CALN1: variants seen among roughly 807,000 people sequenced by gnomAD.
The protein encoded by CALN1 is calneuron 1.
Under a neutral mutation model 30.6 loss-of-function variants are expected in CALN1, and 17 were observed. That is an observed-to-expected ratio of 0.56 (90% confidence interval 0.38 to 0.83). The LOEUF is 0.83. CALN1 is among the 40% of genes least tolerant of loss of function. The probability of loss-of-function intolerance (pLI) is 0.00; values close to 1 mark genes in which losing one functional copy is unlikely to be tolerated. For missense variants in CALN1, 291 were observed against 354.9 expected (o/e 0.82, Z 1.45); for synonymous variants, 156 against 131.4 (o/e 1.19, Z -1.28).
At chr7:72,333,494 A>C (rs1342172450) in intron 2 of CALN1, among the ~76,000 whole-genome samples, 1 of 152,216 alleles carries the variant, frequency 6.6e-6, no homozygotes, top group South Asian at 2.1e-4. Context: ...AAATCTGCCA[A>C]TGTTCTGCTA....
chr7:72,433,027 G>A (rs1452846801), intron 1 of CALN1, among the ~76,000 whole-genome samples: 1 of 152,138 alleles, frequency 6.6e-6, no homozygotes, highest in East Asian at 1.9e-4. Context: ...ACACCCTATG[G>A]ACTATCTTTA....
At chr7:71,869,818 G>A (rs1791815187) in intron 5 of CALN1, among the ~76,000 whole-genome samples, 1 of 152,284 alleles carries the variant, frequency 6.6e-6, no homozygotes, top group East Asian at 1.9e-4. Context: ...ATTGGAAGAT[G>A]CCCCAGAAAG....
At chr7:72,407,063 C>A (rs77708280) in intron 1 of CALN1, among the ~76,000 whole-genome samples, 5,012 of 152,232 alleles carry the variant, frequency 0.033, 280 homozygotes, top group African/African-American at 0.11. Flanking sequence ...CCTGGGTCTA[C>A]GCTTTGAGTA....
At chr7:72,181,098 C>CA (rs1554308598) in intron 3 of CALN1, among the ~76,000 whole-genome samples, 2 of 6,760 alleles carry the variant, frequency 3.0e-4, no homozygotes, top group South Asian at 9.1e-3. Flanking sequence ...ACTGCATAAC[C>CA]CCCCCCCCCC....
At chr7:71,834,655 G>C (rs751278311) in intron 5 of CALN1, among the ~76,000 whole-genome samples, 2 of 152,124 alleles carry the variant, frequency 1.3e-5, no homozygotes, top group East Asian at 1.9e-4. Context: ...AGTTCCCAGG[G>C]GAAGCCCTAT....
At chr7:72,224,734 T>C (rs1306237163) in intron 3 of CALN1, among the ~76,000 whole-genome samples, 2 of 150,780 alleles carry the variant, frequency 1.3e-5, no homozygotes, top group Admixed American at 1.3e-4. Context: ...TAAGCCAAGA[T>C]TGCGCCACTG....
intron 3 of CALN1, among the ~76,000 whole-genome samples, chr7:72,152,703 A>G (rs891520430): frequency 5.9e-5 from 9 of 152,142 alleles, no homozygotes; most frequent in Admixed American, 4.6e-4. Context: ...CCCAGCTACC[A>G]GCCGAGAGAG....
intron 6 of CALN1, among the ~76,000 whole-genome samples, chr7:71,795,769 T>C (rs1453549029): frequency 2.0e-5 from 3 of 151,922 alleles, no homozygotes; most frequent in Admixed American, 1.3e-4. Flanking sequence ...AGCATAATTT[T>C]TCAAGGTTCC....
intron 3 of CALN1, among the ~76,000 whole-genome samples, chr7:72,113,975 G>A (rs1807758667): frequency 6.6e-6 from 1 of 152,044 alleles, no homozygotes; most frequent in African/African-American, 2.4e-5. Flanking sequence ...AAGCCAGCAT[G>A]GTGGCAGAGG....
chr7:71,939,017 TG>T (rs1481872802), intron 5 of CALN1, among the ~76,000 whole-genome samples: 4 of 152,018 alleles, frequency 2.6e-5, no homozygotes, highest in Non-Finnish European at 5.9e-5. Flanking sequence ...GAATCCAAAA[TG>T]GAGTCCTGGA....
intron 6 of CALN1, among the ~76,000 whole-genome samples, chr7:71,794,482 T>C (rs532511857): frequency 1.3e-5 from 2 of 152,318 alleles, no homozygotes; most frequent in South Asian, 4.1e-4. Context: ...AAGATCTGAC[T>C]TCTTCTCCTA....
intron 5 of CALN1, among the ~76,000 whole-genome samples, chr7:71,829,292 G>T (rs556029456): frequency 6.6e-6 from 1 of 152,322 alleles, no homozygotes; most frequent in African/African-American, 2.4e-5. Context: ...GGGGAAGGAA[G>T]ATGGGGCAAG....
Position 71,784,660 on chromosome 7 carries a change from C to T in CALN1, c.*3115G>A, listed in dbSNP as rs1016793354. ...AGGGGGGCGGCGGGGGGTACCTGCT[C>T]TTGCAGCAAGAATGAGCCAACCTGT... On this transcript the variant is annotated 3_prime_UTR_variant, in exon 7 of 7. Coordinates refer to ENST00000395275, the MANE Select transcript of CALN1 (RefSeq NM_031468.4). 7.6e-6 allele frequency: 3 copies of T among 396,608 alleles called. No homozygotes were observed. Among genetic ancestry groups the T allele is most frequent in the Non-Finnish European group, 1.3e-5 (3 of 225,468 alleles). The allele number at this position is 396,608 out of a possible 1,614,324, so 24.6% of individuals were successfully genotyped here.
chr7:71,988,420 G>A (rs183898648), intron 5 of CALN1, among the ~76,000 whole-genome samples: 8 of 152,176 alleles, frequency 5.3e-5, no homozygotes, highest in East Asian at 3.9e-4. Context: ...CGGCAGAGGC[G>A]GCTCTCAGGA....
intron 1 of CALN1, among the ~76,000 whole-genome samples, chr7:72,432,411 G>C (rs1208872027): frequency 1.3e-5 from 2 of 152,072 alleles, no homozygotes; most frequent in East Asian, 1.9e-4. Flanking sequence ...AAGGACCCAT[G>C]GGCAATATTC....
chr7:72,281,674 G>A (rs904727730), intron 2 of CALN1, among the ~76,000 whole-genome samples: 7 of 152,180 alleles, frequency 4.6e-5, no homozygotes, highest in African/African-American at 1.4e-4. Context: ...ACTAAGGTCG[G>A]TACAAAAAGC....
At chr7:71,813,754 C>T (rs1788099659) in intron 5 of CALN1, among the ~76,000 whole-genome samples, 1 of 151,794 alleles carries the variant, frequency 6.6e-6, no homozygotes, top group African/African-American at 2.4e-5. Context: ...ATGGTGAAAC[C>T]CCGTCTCTAC....
chr7:72,377,032 C>A (rs1804601224), intron 2 of CALN1, among the ~76,000 whole-genome samples: 1 of 152,172 alleles, frequency 6.6e-6, no homozygotes, highest in African/African-American at 2.4e-5. Flanking sequence ...ACTCTCAATT[C>A]TATTCCATGG....
intron 5 of CALN1, among the ~76,000 whole-genome samples, chr7:71,973,278 C>A (rs1485397406): frequency 6.6e-6 from 1 of 152,006 alleles, no homozygotes; most frequent in Admixed American, 6.6e-5. Flanking sequence ...CGGGTTCAAG[C>A]GATTCTCCTG....
Sources: gnomAD v4.1 joint callset for allele counts (sites outside exome capture counted in the v4.1 genomes callset) on GRCh38, gnomAD v4.1.1 for gene constraint, MANE v1.5 for transcripts, NCBI Gene and HGNC (gene_info 2026-07-23, HGNC 2026-07-21) for gene names.